CAMK2G: variants seen among roughly 807,000 people sequenced by gnomAD.
The protein encoded by CAMK2G is calcium/calmodulin dependent protein kinase II gamma.
A neutral mutation model predicts 88.7 loss-of-function variants in CAMK2G; 23 were observed. That is an observed-to-expected ratio of 0.26 (90% CI 0.19 to 0.37). CAMK2G has a LOEUF of 0.37. Among genes scored for constraint, CAMK2G ranks in the 10% least tolerant of loss-of-function variants. CAMK2G has a pLI of 1.00. For missense variants in CAMK2G, 476 were observed against 780.8 expected, an observed-to-expected ratio of 0.61 and a Z score of 4.65; for synonymous variants, 263 against 294.8, an observed-to-expected ratio of 0.89 and a Z score of 1.11.
At position 73,839,678 on chromosome 10, in the gene CAMK2G, G is replaced by A. The variant is rs1389346342; in HGVS notation, c.947-77C>T. 18 of 940,752 alleles carry A rather than the reference G, an allele frequency of 1.9e-5. No homozygotes were observed. The highest frequency in any genetic ancestry group is 3.3e-5 in the East Asian group (1 of 30,192). The allele number at this position is 940,752 out of a possible 1,614,324, so 58.3% of individuals were successfully genotyped here. A position where few individuals can be genotyped will look rare whatever the true frequency, so the allele number is the denominator to read the frequency against. ...GTCAGCAGCGAGCATGCCCCAGCGC[G>A]AGGCGCAGCCCAGGCGGCGTGGCCA... is the stretch of plus-strand genomic sequence containing the variant. On this transcript the variant is annotated intron_variant, in intron 12 of 22. Coordinates refer to ENST00000423381, the MANE Select transcript of CAMK2G (RefSeq NM_001367534.1). The surrounding 1 kb of genome is among the most constrained non-coding windows in gnomAD (Gnocchi z 4.2).
chr10:73,848,081 C>T lies in CAMK2G; in HGVS notation c.603G>A (p.Gly201=). 1 of 1,582,026 alleles carries T rather than the reference C, an allele frequency of 6.3e-7. No individual in the cohort carries two copies. The highest frequency in any genetic ancestry group is 8.7e-7 in the Non-Finnish European group (1 of 1,150,912). The change falls in exon 9 of 23, where the codon GGG becomes GGA. Residue 201 remains glycine, a splice_region_variant and synonymous_variant. Coordinates refer to ENST00000423381, the MANE Select transcript of CAMK2G (RefSeq NM_001367534.1). This position sits in a 1 kb window ranked among gnomAD's most constrained non-coding sequence, Gnocchi z 4.5. ...CCACCAGGAGGATATACAGGATGAC[C>T]CCTACGAGACAGAACACACAGGTCA... is the stretch of plus-strand genomic sequence containing the variant. The part of the protein sequence containing the change: ...YGKPVDIWAC[G]VILYILLVGY...
In CAMK2G at chr10:73,874,323, CG is replaced by C. The variant is rs1338254666; in HGVS notation, c.65+73del. 10 of 819,844 alleles carry C rather than the reference CG, an allele frequency of 1.2e-5. No homozygotes were observed. In the Admixed American group the frequency reaches 2.2e-4, roughly 18 times the overall value. The allele number at this position is 819,844 out of a possible 1,614,324, so 50.8% of individuals were successfully genotyped here. ...GGAGCCGCAGCGGCCGGTGCAGGGC[CG>C]GGGGGCGGGGCGAGAAGCCGCATAG... is the stretch of plus-strand genomic sequence containing the variant. On this transcript the variant is annotated intron_variant, in intron 1 of 22. Transcript: ENST00000423381.
At chr10:73,854,702 T>C (rs2094896312) in intron 3 of CAMK2G, among the ~76,000 whole-genome samples, 1 of 152,156 alleles carries the variant, frequency 6.6e-6, no homozygotes, top group Non-Finnish European at 1.5e-5. Context: ...TGCTTCCCTA[T>C]GTCCCCTCCC....
At chr10:73,865,729 G>A (rs1353421475) in intron 2 of CAMK2G, among the ~76,000 whole-genome samples, 1 of 152,196 alleles carries the variant, frequency 6.6e-6, no homozygotes, top group African/African-American at 2.4e-5. Flanking sequence ...GGAGGGCCCT[G>A]GCTCGGCATC....
chr10:73,866,749 C>G (rs1221311648), intron 2 of CAMK2G, among the ~76,000 whole-genome samples: 1 of 152,120 alleles, frequency 6.6e-6, no homozygotes, highest in Admixed American at 6.6e-5. Flanking sequence ...CATCTTCTTC[C>G]CAAGCAGCAG....
At chr10:73,846,794 T>A (rs1221440640) in intron 10 of CAMK2G, 1 of 164,688 alleles carries the variant, frequency 6.1e-6, no homozygotes, top group Non-Finnish European at 1.3e-5. Flanking sequence ...ATGCCTCAGC[T>A]TTTATGCTTT....
At chr10:73,814,821 G>GC in intron 22 of CAMK2G, 182 bp downstream of exon 22, 2 of 591,712 alleles carry the variant, frequency 3.4e-6, no homozygotes, top group South Asian at 4.0e-5. Context: ...GAGTCACGGA[G>GC]CCAGACCCTA....
chr10:73,848,050 G>A lies in CAMK2G; in HGVS notation c.634C>T (p.Pro212Ser). 6.2e-7 allele frequency: 1 copy of A among 1,611,484 alleles called. No individual in the cohort carries two copies. Among genetic ancestry groups the A allele is most frequent in the Non-Finnish European group, 8.5e-7 (1 of 1,177,678 alleles). Residue 212 changes from proline to serine, a missense_variant, in exon 9 of 23, where the codon CCT becomes TCT. This residue lies in a region of CAMK2G where 164 missense variants were observed against 385.6 expected (regional missense o/e 0.43). Transcript: ENST00000423381. The surrounding 1 kb of genome is among the most constrained non-coding windows in gnomAD (Gnocchi z 4.5). ...VILYILLVGY[P>S]PFWDEDQHKL... ...TGCTGATCCTCATCCCAGAAGGGAG[G>A]ATAGCCCACCAGGAGGATATACAGG... is the stretch of plus-strand genomic sequence containing the variant.
At chr10:73,821,989 A>G (rs1247525505) in intron 17 of CAMK2G, among the ~76,000 whole-genome samples, 1 of 152,094 alleles carries the variant, frequency 6.6e-6, no homozygotes, top group African/African-American at 2.4e-5. Flanking sequence ...TTTTTCCCTT[A>G]TATTCAGATC....
At chr10:73,834,134 G>C (rs1425284503) in intron 14 of CAMK2G, among the ~76,000 whole-genome samples, 3 of 151,270 alleles carry the variant, frequency 2.0e-5, no homozygotes, top group Admixed American at 2.0e-4. Context: ...TAGCCAGGAT[G>C]GTCTCGATCT....
intron 2 of CAMK2G, among the ~76,000 whole-genome samples, chr10:73,862,350 AT>A (rs1228616990): frequency 7.6e-6 from 1 of 130,790 alleles, no homozygotes; most frequent in Non-Finnish European, 1.6e-5. Context: ...CACATCATAT[AT>A]TACATCAGTT....
intron 1 of CAMK2G, chr10:73,873,366 G>A (rs1777663712): frequency 1.5e-6 from 2 of 1,304,022 alleles, no homozygotes; most frequent in Non-Finnish European, 2.0e-6. Flanking sequence ...TCAGGAGCGG[G>A]TGGGCGATGC....
intron 3 of CAMK2G, 34 bp from the exon 4 acceptor site, chr10:73,853,280 G>A: frequency 1.3e-6 from 2 of 1,599,858 alleles, no homozygotes; most frequent in South Asian, 1.1e-5. Context: ...GAGATTAACA[G>A]AGAGAAAACT....
intron 3 of CAMK2G, among the ~76,000 whole-genome samples, chr10:73,853,935 C>A (rs1226606302): frequency 5.3e-5 from 8 of 152,190 alleles, no homozygotes; most frequent in Admixed American, 4.6e-4. Context: ...GAGTGCCTGC[C>A]TTTGAGGAGT....
chr10:73,830,292 G>A (rs2092213888), intron 14 of CAMK2G, among the ~76,000 whole-genome samples: 1 of 151,930 alleles, frequency 6.6e-6, no homozygotes, highest in South Asian at 2.1e-4. Flanking sequence ...TATTTTTTTA[G>A]AGATAAGGTC....
chr10:73,838,359 A>G (rs2093450691), intron 13 of CAMK2G, among the ~76,000 whole-genome samples: 1 of 152,216 alleles, frequency 6.6e-6, no homozygotes, highest in African/African-American at 2.4e-5. Flanking sequence ...TGGTTCCACC[A>G]CTTGCCAGCT....
At chr10:73,841,538 G>A (rs1439033088) in intron 12 of CAMK2G, among the ~76,000 whole-genome samples, 1 of 152,142 alleles carries the variant, frequency 6.6e-6, no homozygotes, top group Non-Finnish European at 1.5e-5. Context: ...AAAAATAAAT[G>A]TCAAGTATGA....
chr10:73,869,356 A>C (rs1303425547), intron 2 of CAMK2G, among the ~76,000 whole-genome samples: 1 of 152,224 alleles, frequency 6.6e-6, no homozygotes, highest in Non-Finnish European at 1.5e-5. Flanking sequence ...GGGAAGGAGG[A>C]ATCATCAGCT....
At chr10:73,857,511 T>C (rs1437336603) in intron 3 of CAMK2G, among the ~76,000 whole-genome samples, 3 of 152,176 alleles carry the variant, frequency 2.0e-5, no homozygotes, top group Admixed American at 2.0e-4. Context: ...AGCATGAGCA[T>C]CAGCTGGAGA....
Sources: gnomAD v4.1 joint callset for allele counts (sites outside exome capture counted in the v4.1 genomes callset) on GRCh38, gnomAD v4.1.1 for gene constraint, gnomAD v4.1.1 regional missense constraint, Gnocchi (gnomAD v3.1) non-coding constraint, MANE v1.5 for transcripts, NCBI Gene and HGNC (gene_info 2026-07-23, HGNC 2026-07-21) for gene names.